CADPS: variants seen among roughly 807,000 people sequenced by gnomAD.
CADPS encodes the protein calcium dependent secretion activator, also known as calcium-dependent secretion activator 1.
In CADPS, 57 loss-of-function variants were observed where a neutral mutation model predicts 167.3. That is an observed-to-expected ratio of 0.34 (90% CI 0.28 to 0.42). CADPS has a LOEUF of 0.42. Among genes scored for constraint, CADPS ranks in the 20% least tolerant of loss-of-function variants. CADPS has a pLI of 1.00. For synonymous variants in CADPS, 676 were observed against 635.3 expected (o/e 1.06, Z -0.96); for missense variants, 1,414 against 1,738.1 (o/e 0.81, Z 3.32).
rs554343895 is a variant in CADPS at position 62,623,897 on chromosome 3, C to T, written c.1325+21825G>A. On this transcript the variant is annotated intron_variant, in intron 6 of 29. Coordinates refer to ENST00000383710, the MANE Select transcript of CADPS (RefSeq NM_003716.4). ...TGATTCTCAATTGGGGGTGATTTTG[C>T]CCTTCCACTCCCTGGGGACATTTGA... Among the ~76,000 whole-genome samples the T allele has an allele frequency of 3.3e-5, 5 of 152,158 alleles. No individual in the cohort carries two copies. The South Asian group carries it at 1.0e-3, about 32-fold the overall frequency.
At chr3:62,787,060 G>C (rs1009641806) in intron 1 of CADPS, among the ~76,000 whole-genome samples, 8 of 152,188 alleles carry the variant, frequency 5.3e-5, no homozygotes, top group African/African-American at 1.9e-4. Flanking sequence ...TTGGGAGGCT[G>C]AGGCAGGAGG....
intron 8 of CADPS, among the ~76,000 whole-genome samples, chr3:62,583,811 G>A (rs1201941237): frequency 6.6e-6 from 1 of 151,734 alleles, no homozygotes; most frequent in Non-Finnish European, 1.5e-5. Flanking sequence ...GAGGCACCAT[G>A]GCTAGGCTCC....
Position 62,824,078 on chromosome 3 carries a change from A to T in CADPS, c.441+50511T>A, listed in dbSNP as rs185680311. Among the ~76,000 whole-genome samples the T allele has an allele frequency of 2.4e-3, 372 of 151,972 alleles. 2 individuals are homozygous for T. The highest frequency in any genetic ancestry group is 8.1e-3 in the African/African-American group (337 of 41,478). Reference sequence around the variant, plus strand: ...TGGACAAAAAAACAAATTCAAATTGATAATCCAAGGCTGAGATTGCCACTG... The same window carrying T: ...TGGACAAAAAAACAAATTCAAATTGTTAATCCAAGGCTGAGATTGCCACTG... On this transcript the variant is annotated intron_variant, in intron 1 of 29. Transcript: ENST00000383710.
intron 1 of CADPS, among the ~76,000 whole-genome samples, chr3:62,812,930 G>C (rs536145280): frequency 3.6e-4 from 55 of 152,108 alleles, no homozygotes; most frequent in African/African-American, 1.3e-3. Flanking sequence ...GGCGGTTGAT[G>C]GATAAAGCAC....
chr3:62,579,551 A>G (rs2082977033), intron 8 of CADPS, among the ~76,000 whole-genome samples: 1 of 152,160 alleles, frequency 6.6e-6, no homozygotes, highest in East Asian at 1.9e-4. Context: ...CAGCGGGGCC[A>G]GGTAAGGCTT....
At chr3:62,843,507 G>GTA (rs986876810) in intron 1 of CADPS, among the ~76,000 whole-genome samples, 6 of 152,136 alleles carry the variant, frequency 3.9e-5, no homozygotes, top group African/African-American at 1.4e-4. Flanking sequence ...GTGTGTGTGT[G>GTA]TGTGTGTGTG....
chr3:62,847,433 C>T (rs1215275435), intron 1 of CADPS, among the ~76,000 whole-genome samples: 1 of 94,364 alleles, frequency 1.1e-5, no homozygotes, highest in East Asian at 3.3e-4. Context: ...CCCCCCTCCC[C>T]CCACCCCACC....
intron 23 of CADPS, among the ~76,000 whole-genome samples, chr3:62,476,618 A>G (rs2061358932): frequency 1.3e-5 from 2 of 152,314 alleles, no homozygotes; most frequent in South Asian, 4.2e-4. Context: ...CCGTGAAGAC[A>G]TGATTACAGC....
At chr3:62,763,740 C>G (rs1407876953) in intron 2 of CADPS, among the ~76,000 whole-genome samples, 1 of 152,180 alleles carries the variant, frequency 6.6e-6, no homozygotes, top group Non-Finnish European at 1.5e-5. Context: ...GAGGATTAGA[C>G]TTCCCTGGAA....
intron 3 of CADPS, among the ~76,000 whole-genome samples, chr3:62,703,706 C>T (rs1363051374): frequency 6.6e-6 from 1 of 152,032 alleles, no homozygotes; most frequent in Non-Finnish European, 1.5e-5. Flanking sequence ...AGGAGACCAG[C>T]AAAGGTCACA....
At chr3:62,494,612 C>T (rs1441821232) in intron 18 of CADPS, among the ~76,000 whole-genome samples, 34 of 150,980 alleles carry the variant, frequency 2.3e-4, no homozygotes, top group Non-Finnish European at 1.5e-5. Context: ...AAACCAAGCT[C>T]AAATGTTTGC....
At chr3:62,799,367 T>A (rs888749724) in intron 1 of CADPS, among the ~76,000 whole-genome samples, 1 of 152,102 alleles carries the variant, frequency 6.6e-6, no homozygotes, top group African/African-American at 2.4e-5. Flanking sequence ...CTACCTAGAT[T>A]CAAATCGGCT....
chr3:62,613,874 G>A (rs148216522), intron 6 of CADPS, among the ~76,000 whole-genome samples: 11 of 152,200 alleles, frequency 7.2e-5, no homozygotes, highest in African/African-American at 2.4e-4. Context: ...GGAGTCACTG[G>A]TGGGATTTAT....
intron 16 of CADPS, among the ~76,000 whole-genome samples, chr3:62,515,593 G>T (rs1298234517): frequency 3.3e-5 from 5 of 152,004 alleles, no homozygotes; most frequent in African/African-American, 1.2e-4. Flanking sequence ...ACTACCAAAA[G>T]ACAAGGTACT....
Position 62,645,380 on chromosome 3 carries a change from C to A in CADPS, c.1325+342G>T, listed in dbSNP as rs1394922477. On this transcript the variant is annotated intron_variant, in intron 6 of 29. Coordinates refer to ENST00000383710, the MANE Select transcript of CADPS (RefSeq NM_003716.4). ...CATTTTTATGTCTTATACTGAAAAC[C>A]AAATATTTAGAAAATTTAATAAAAG... 3.1e-4 allele frequency among the ~76,000 whole-genome samples: 47 copies of A among 152,036 alleles called. 1 individual carries two copies. The highest frequency in any genetic ancestry group is 3.0e-3 in the Admixed American group (46 of 15,256).
intron 6 of CADPS, among the ~76,000 whole-genome samples, chr3:62,633,740 T>C (rs1404466367): frequency 1.3e-5 from 2 of 152,254 alleles, no homozygotes; most frequent in East Asian, 1.9e-4. Context: ...TTCACAGCAG[T>C]GGTGCAGGGG....
At chr3:62,694,076 T>C (rs780410540) in intron 3 of CADPS, among the ~76,000 whole-genome samples, 8 of 152,080 alleles carry the variant, frequency 5.3e-5, no homozygotes, top group Non-Finnish European at 8.8e-5. Flanking sequence ...TCAGTGGCCA[T>C]GGTGGCAGGG....
At chr3:62,491,301 T>C (rs2063656302) in intron 21 of CADPS, 38 bp downstream of exon 21, 4 of 1,606,524 alleles carry the variant, frequency 2.5e-6, no homozygotes, top group Non-Finnish European at 3.4e-6. Flanking sequence ...CAGCCATTTG[T>C]ACCCAAACTC....
intron 13 of CADPS, among the ~76,000 whole-genome samples, chr3:62,528,887 G>A (rs1413486650): frequency 1.3e-5 from 2 of 152,130 alleles, no homozygotes; most frequent in African/African-American, 2.4e-5. Context: ...GGCTGGGCGC[G>A]GTGGCTCATG....
Sources: allele counts gnomAD v4.1 joint callset (sites outside exome capture counted in the v4.1 genomes callset), GRCh38; gene constraint gnomAD v4.1.1; transcripts MANE v1.5; gene names NCBI Gene and HGNC (gene_info 2026-07-23, HGNC 2026-07-21).